LDLRAD4: variants seen among roughly 807,000 people sequenced by gnomAD.
The protein encoded by LDLRAD4 is low density lipoprotein receptor class A domain containing 4.
A neutral mutation model predicts 17.0 loss-of-function variants in LDLRAD4; 5 were observed. The observed-to-expected ratio is 0.29, with a 90% CI of 0.15 to 0.62. LDLRAD4 has a LOEUF of 0.62. Among genes scored for constraint, LDLRAD4 ranks in the 20% least tolerant of loss-of-function variants. LDLRAD4 has a pLI of 0.84. For synonymous variants in LDLRAD4, 168 were observed against 171.8 expected (o/e 0.98, Z 0.17); for missense variants, 340 against 424.7 (o/e 0.80, Z 1.75).
At chr18:13,494,685 T>TA (rs2093427704) in intron 3 of LDLRAD4, among the ~76,000 whole-genome samples, 1 of 9,582 alleles carries the variant, frequency 1.0e-4, no homozygotes, top group African/African-American at 2.9e-4. Context: ...TATAATATAT[T>TA]ATTAAAAATA....
At chr18:13,341,588 C>T (rs1037154782) in intron 1 of LDLRAD4, among the ~76,000 whole-genome samples, 1 of 151,892 alleles carries the variant, frequency 6.6e-6, no homozygotes, top group Non-Finnish European at 1.5e-5. Context: ...TTGTGGCAGC[C>T]TTGTTTATGT....
At chr18:13,608,285 C>T (rs2095244076) in intron 3 of LDLRAD4, among the ~76,000 whole-genome samples, 1 of 151,366 alleles carries the variant, frequency 6.6e-6, no homozygotes, top group African/African-American at 2.4e-5. Context: ...TCTTTATCTG[C>T]GAGAATTTCT....
intron 1 of LDLRAD4, among the ~76,000 whole-genome samples, chr18:13,220,934 G>A (rs1341761308): frequency 6.6e-6 from 1 of 152,152 alleles, no homozygotes; most frequent in Non-Finnish European, 1.5e-5. Context: ...GTGGTGGGTG[G>A]GAGGTGACTG....
intron 3 of LDLRAD4, among the ~76,000 whole-genome samples, chr18:13,586,788 G>A (rs1157893657): frequency 6.6e-6 from 1 of 151,446 alleles, no homozygotes; most frequent in African/African-American, 2.4e-5. Context: ...TCAGGAGGCT[G>A]AGTTGGGAGA....
intron 3 of LDLRAD4, among the ~76,000 whole-genome samples, chr18:13,519,413 A>T (rs781305899): frequency 1.1e-4 from 16 of 152,002 alleles, no homozygotes; most frequent in Non-Finnish European, 2.2e-4. Flanking sequence ...TCTTTCATTG[A>T]TTTCCTCAAG....
Position 13,398,704 on chromosome 18 carries a change from C to T in LDLRAD4, c.40+10942C>T, listed in dbSNP as rs1334214840. On this transcript the variant is annotated intron_variant, in intron 2 of 5. Transcript: ENST00000359446. This position sits in a 1 kb window ranked among gnomAD's most constrained non-coding sequence, Gnocchi z 4.8. ...GTTTGGCGCTCACAGAGAGGATAGG[C>T]AGTGTGCTGGTGGGCTGCTGGTGTC... 6.6e-6 allele frequency among the ~76,000 whole-genome samples: 1 copy of T among 152,070 alleles called. No homozygotes were observed. Among genetic ancestry groups the T allele is most frequent in the Non-Finnish European group, 1.5e-5 (1 of 68,022 alleles).
intron 3 of LDLRAD4, among the ~76,000 whole-genome samples, chr18:13,596,112 A>G (rs569030090): frequency 4.6e-5 from 7 of 152,130 alleles, no homozygotes; most frequent in Non-Finnish European, 7.3e-5. Flanking sequence ...ACTCTTTGTC[A>G]TTAGTAAATG....
At chr18:13,272,509 A>T (rs1437137241) in intron 1 of LDLRAD4, among the ~76,000 whole-genome samples, 2 of 152,260 alleles carry the variant, frequency 1.3e-5, no homozygotes, top group African/African-American at 4.8e-5. Flanking sequence ...ACAGCGAGAC[A>T]GCTGCCAGAC....
intron 2 of LDLRAD4, among the ~76,000 whole-genome samples, chr18:13,396,680 G>T (rs2086723262): frequency 6.6e-6 from 1 of 151,820 alleles, no homozygotes; most frequent in Non-Finnish European, 1.5e-5. Flanking sequence ...ACGGAGTTTT[G>T]CCATGTTGCC....
chr18:13,468,131 C>T (rs1163955508), intron 3 of LDLRAD4, among the ~76,000 whole-genome samples: 2 of 151,248 alleles, frequency 1.3e-5, no homozygotes, highest in Non-Finnish European at 2.9e-5. Context: ...GAAAAAAAAA[C>T]AGATAAATTT....
rs1601890826 is a variant in LDLRAD4, at chr18:13,643,347, C to A, written c.337-12C>A. 2.7e-6 allele frequency: 4 copies of A among 1,470,572 alleles called. No homozygotes were observed. Among genetic ancestry groups the A allele is most frequent in the African/African-American group, 2.9e-5 (2 of 68,356 alleles). The allele number at this position is 1,470,572 out of a possible 1,614,324, so 91.1% of individuals were successfully genotyped here. On this transcript the variant is annotated splice_polypyrimidine_tract_variant and intron_variant, in intron 4 of 5. Transcript: ENST00000359446. ...TTGTTCCCCCCACTCTCCTCCCCTTCCCCTCCGCCAGGAAGGGTGCCTGTG... is the reference window on the plus strand; with the variant it reads ...TTGTTCCCCCCACTCTCCTCCCCTTACCCTCCGCCAGGAAGGGTGCCTGTG...
At chr18:13,455,939 G>A (rs2092108634) in intron 3 of LDLRAD4, among the ~76,000 whole-genome samples, 1 of 152,152 alleles carries the variant, frequency 6.6e-6, no homozygotes, top group Middle Eastern at 3.4e-3. Context: ...CCGAAGTCTG[G>A]TTGCCCTGAA....
At chr18:13,636,828 G>A (rs1012639269) in intron 4 of LDLRAD4, among the ~76,000 whole-genome samples, 3 of 144,354 alleles carry the variant, frequency 2.1e-5, no homozygotes, top group Non-Finnish European at 4.5e-5. Flanking sequence ...ATGGAGTCTC[G>A]CTCTTGTCGC....
At chr18:13,573,829 G>A (rs1010298566) in intron 3 of LDLRAD4, among the ~76,000 whole-genome samples, 3 of 152,208 alleles carry the variant, frequency 2.0e-5, no homozygotes, top group African/African-American at 7.2e-5. Flanking sequence ...CTTCTCAGGT[G>A]GTGAAGCCGA....
intron 3 of LDLRAD4, among the ~76,000 whole-genome samples, chr18:13,537,664 T>C (rs931976375): frequency 7.9e-5 from 12 of 152,182 alleles, no homozygotes; most frequent in African/African-American, 2.2e-4. Flanking sequence ...CCGTACAGTA[T>C]AGCCTGCTGC....
At chr18:13,401,976 G>A (rs1274953544) in intron 2 of LDLRAD4, among the ~76,000 whole-genome samples, 4 of 152,156 alleles carry the variant, frequency 2.6e-5, no homozygotes, top group Admixed American at 6.5e-5. Flanking sequence ...CTCCTTATCC[G>A]GGACGATGGC....
chr18:13,480,680 A>G (rs1180931898), intron 3 of LDLRAD4, among the ~76,000 whole-genome samples: 2 of 152,106 alleles, frequency 1.3e-5, no homozygotes, highest in Non-Finnish European at 2.9e-5. Context: ...GCACGTGAGA[A>G]ATCTCTGCAT....
Position 13,450,337 on chromosome 18 carries a change from C to CCCAA in LDLRAD4, c.181+11953_181+11954insCCAA, listed in dbSNP as rs367571092. Among the ~76,000 whole-genome samples, 100 of 115,584 alleles carry CCCAA rather than the reference C, an allele frequency of 8.7e-4. 1 individual carries two copies. The highest frequency in any genetic ancestry group is 2.2e-3 in the Admixed American group (26 of 11,664). The allele number at this position is 115,584 out of a possible 152,430, so 75.8% of individuals were successfully genotyped here. ...GCTTCTCTCCCCCCACCCCCCCCCCCAAAAAAACACACAAGATCCCAAGAC... is the reference window on the plus strand; with the variant it reads ...GCTTCTCTCCCCCCACCCCCCCCCCCCCAAAAAAAAACACACAAGATCCCAAGAC... On this transcript the variant is annotated intron_variant, in intron 3 of 5. Coordinates refer to ENST00000359446, the Ensembl canonical transcript of LDLRAD4.
At chr18:13,353,540 T>A (rs1361097635) in intron 1 of LDLRAD4, among the ~76,000 whole-genome samples, 1 of 152,210 alleles carries the variant, frequency 6.6e-6, no homozygotes, top group Non-Finnish European at 1.5e-5. Flanking sequence ...TTTCTTAGAG[T>A]AGCTGTCACT....
Sources: allele counts gnomAD v4.1 joint callset (sites outside exome capture counted in the v4.1 genomes callset), GRCh38; gene constraint gnomAD v4.1.1; non-coding constraint Gnocchi (gnomAD v3.1); transcripts MANE v1.5; gene names NCBI Gene and HGNC (gene_info 2026-07-23, HGNC 2026-07-21).